The following GABRG3 variants were observed in gnomAD, a reference collection of about 807,000 sequenced individuals.
The protein encoded by GABRG3 is gamma-aminobutyric acid receptor subunit gamma-3.
A neutral mutation model predicts 48.8 loss-of-function variants in GABRG3; 25 were observed. That is an observed-to-expected ratio of 0.51 (90% CI 0.37 to 0.72). The LOEUF (loss-of-function observed/expected upper bound fraction) is 0.72. GABRG3 is among the 30% of genes least tolerant of loss of function. GABRG3 has a pLI of 0.00. For synonymous variants in GABRG3, 227 were observed against 217.6 expected, an observed-to-expected ratio of 1.04 and a Z score of -0.38; for missense variants, 394 against 577.9, an observed-to-expected ratio of 0.68 and a Z score of 3.26.
At chr15:27,151,440 G>A (rs911622468) in intron 3 of GABRG3, among the ~76,000 whole-genome samples, 7 of 151,384 alleles carry the variant, frequency 4.6e-5, no homozygotes, top group African/African-American at 1.7e-4. Context: ...TTTTTATTGC[G>A]AGTAGTATTC....
chr15:27,490,046 G>C (rs1890312135), intron 6 of GABRG3, among the ~76,000 whole-genome samples: 1 of 152,104 alleles, frequency 6.6e-6, no homozygotes, highest in Non-Finnish European at 1.5e-5. Flanking sequence ...GTTAATTCTT[G>C]TTAAAGGTTG....
intron 3 of GABRG3, among the ~76,000 whole-genome samples, chr15:27,304,217 A>C (rs943750007): frequency 6.6e-6 from 1 of 151,926 alleles, no homozygotes; most frequent in South Asian, 2.1e-4. Flanking sequence ...TGGTCAGTGG[A>C]AAAGGCAAGA....
chr15:27,214,196 G>A (rs1889164985), intron 3 of GABRG3, among the ~76,000 whole-genome samples: 1 of 152,288 alleles, frequency 6.6e-6, no homozygotes, highest in South Asian at 2.1e-4. Context: ...TTGTTAAACA[G>A]GTGGGGGTTG....
rs1893639945 is a variant in GABRG3, at chr15:27,327,048, C to G, written c.491+19C>G. 6.3e-7 allele frequency: 1 copy of G among 1,584,962 alleles called. No homozygotes were observed. The highest frequency in any genetic ancestry group is 8.6e-7 in the Non-Finnish European group (1 of 1,158,044). On this transcript the variant is annotated intron_variant, in intron 4 of 9. Coordinates refer to ENST00000615808, the MANE Select transcript of GABRG3 (RefSeq NM_033223.5). ...CTTTGAGGTAAGATGCTGCATCGAT[C>G]TTTGATTACTCCTGGTTTAAAATGG...
At chr15:27,171,485 T>TTG (rs1260600382) in intron 3 of GABRG3, among the ~76,000 whole-genome samples, 1 of 142,672 alleles carries the variant, frequency 7.0e-6, no homozygotes, top group African/African-American at 2.6e-5. Context: ...TCTCCCCAAA[T>TTG]TGTGTGTGTG....
At chr15:27,387,926 G>A (rs142101626) in intron 5 of GABRG3, among the ~76,000 whole-genome samples, 38 of 56,958 alleles carry the variant, frequency 6.7e-4, no homozygotes, top group East Asian at 1.3e-3. Flanking sequence ...GAAGGAGGGA[G>A]GGAGGGAGGG....
At chr15:27,028,916 CA>C in intron 3 of GABRG3, among the ~76,000 whole-genome samples, 1 of 151,188 alleles carries the variant, frequency 6.6e-6, no homozygotes, top group Non-Finnish European at 1.5e-5. Context: ...GACTTGAAAT[CA>C]TGAACTCTGA....
chr15:27,334,894 A>G (rs1415262912), intron 5 of GABRG3, among the ~76,000 whole-genome samples: 2 of 152,206 alleles, frequency 1.3e-5, no homozygotes, highest in East Asian at 3.9e-4. Flanking sequence ...GATAAATGAG[A>G]CCTTGTCAAA....
At chr15:27,228,846 G>A (rs59746044) in intron 3 of GABRG3, among the ~76,000 whole-genome samples, 2,254 of 152,226 alleles carry the variant, frequency 0.015, 50 homozygotes, top group African/African-American at 0.052. Context: ...ATGTTTGTTT[G>A]CTGCATGTAT....
intron 3 of GABRG3, among the ~76,000 whole-genome samples, chr15:27,145,300 GAAGT>G (rs1193018596): frequency 1.3e-5 from 2 of 151,660 alleles, no homozygotes; most frequent in South Asian, 2.1e-4. Flanking sequence ...GAACTAAAAA[GAAGT>G]AAGAAAGACA....
At chr15:26,996,223 A>C (rs1052341047) in intron 2 of GABRG3, among the ~76,000 whole-genome samples, 1 of 151,450 alleles carries the variant, frequency 6.6e-6, no homozygotes, top group East Asian at 1.9e-4. Flanking sequence ...TTTTTGTTTA[A>C]ATTTGGATTT....
intron 5 of GABRG3, among the ~76,000 whole-genome samples, chr15:27,383,445 C>G (rs1048491126): frequency 6.6e-6 from 1 of 152,164 alleles, no homozygotes; most frequent in African/African-American, 2.4e-5. Context: ...TTGGGCAACT[C>G]ATTTATGCCT....
chr15:27,412,757 C>CAGTTCAGTAA (rs1887835846), intron 5 of GABRG3, among the ~76,000 whole-genome samples: 1 of 152,146 alleles, frequency 6.6e-6, no homozygotes, highest in East Asian at 1.9e-4. Flanking sequence ...CCTCCTGTAA[C>CAGTTCAGTAA]AGTTCAGTAA....
chr15:27,518,150 A>T (rs1891067512), intron 6 of GABRG3, among the ~76,000 whole-genome samples: 1 of 149,046 alleles, frequency 6.7e-6, no homozygotes, highest in Non-Finnish European at 1.5e-5. Context: ...CAGGAGTTCG[A>T]GACCAGCATG....
intron 5 of GABRG3, among the ~76,000 whole-genome samples, chr15:27,351,411 TTGTG>T (rs571249411): frequency 5.5e-4 from 81 of 146,656 alleles, no homozygotes; most frequent in South Asian, 8.8e-4. Flanking sequence ...TGTATAGTGT[TTGTG>T]TGTGTGTATG....
chr15:27,218,367 C>T (rs1677610671), intron 3 of GABRG3, among the ~76,000 whole-genome samples: 1 of 152,176 alleles, frequency 6.6e-6, no homozygotes. Flanking sequence ...ATCCTCATTT[C>T]TCAGAATTTT....
intron 3 of GABRG3, among the ~76,000 whole-genome samples, chr15:27,145,603 CTCTATCTATCTATCTATCTA>C (rs140259026): frequency 4.9e-5 from 5 of 102,298 alleles, no homozygotes; most frequent in African/African-American, 1.4e-4. Context: ...ATATATCTAT[CTCTATCTATCTATCTATCTA>C]TCTATCTATC....
At chr15:27,142,158 A>G (rs1469579400) in intron 3 of GABRG3, among the ~76,000 whole-genome samples, 1 of 152,200 alleles carries the variant, frequency 6.6e-6, no homozygotes, top group Non-Finnish European at 1.5e-5. Flanking sequence ...TAAAATCTGT[A>G]TAATTTTTCC....
At chr15:27,419,724 T>C (rs1353141122) in intron 5 of GABRG3, among the ~76,000 whole-genome samples, 1 of 152,136 alleles carries the variant, frequency 6.6e-6, no homozygotes, top group African/African-American at 2.4e-5. Flanking sequence ...TAAGAGATGG[T>C]TAGCAGGTAG....
Sources: allele counts gnomAD v4.1 joint callset (sites outside exome capture counted in the v4.1 genomes callset), GRCh38; gene constraint gnomAD v4.1.1; transcripts MANE v1.5; gene names NCBI Gene and HGNC (gene_info 2026-07-23, HGNC 2026-07-21).